Variants in SAMSN1 observed in about 807,000 individuals in gnomAD.
SAMSN1 encodes the protein SAM domain-containing protein SAMSN-1.
A neutral mutation model predicts 42.0 loss-of-function variants in SAMSN1; 31 were observed. The observed-to-expected ratio is 0.74, with a 90% CI of 0.55 to 1.00. The LOEUF (loss-of-function observed/expected upper bound fraction) is 1.00, where lower values mean the gene tolerates loss of function less well. Among genes scored for constraint, SAMSN1 ranks in the 50% least tolerant of loss-of-function variants. The pLI is 0.00. For missense variants in SAMSN1, 464 were observed against 439.4 expected (o/e 1.06, Z -0.50); for synonymous variants, 178 against 151.9 (o/e 1.17, Z -1.26).
chr21:14,641,491 TC>T (rs1241395645), intron 2 of SAMSN1, among the ~76,000 whole-genome samples: 1 of 152,188 alleles, frequency 6.6e-6, no homozygotes, highest in Admixed American at 6.6e-5. Context: ...TGAGTTTGTA[TC>T]CTGGTGCATC....
intron 7 of SAMSN1, chr21:14,496,270 T>C (rs1986911659): frequency 6.6e-6 from 1 of 152,186 alleles, no homozygotes; most frequent in South Asian, 2.1e-4. Context: ...AATTTGCACA[T>C]GTGGAGGAGT....
chr21:14,566,390 G>A (rs1981117550), intron 2 of SAMSN1, among the ~76,000 whole-genome samples: 1 of 152,012 alleles, frequency 6.6e-6, no homozygotes, highest in Admixed American at 6.6e-5. Flanking sequence ...AATCTATTCT[G>A]ACATTTAAAG....
intron 2 of SAMSN1, among the ~76,000 whole-genome samples, chr21:14,617,532 C>T (rs1049922860): frequency 2.0e-5 from 3 of 152,134 alleles, no homozygotes; most frequent in Non-Finnish European, 4.4e-5. Context: ...AAGCAAGCTC[C>T]ATGTTCCACA....
At chr21:14,533,416 A>T (rs1211295171) in intron 1 of SAMSN1, among the ~76,000 whole-genome samples, 2 of 152,226 alleles carry the variant, frequency 1.3e-5, no homozygotes, top group African/African-American at 4.8e-5. Flanking sequence ...ACTATAAAAA[A>T]TATAATAAAG....
chr21:14,561,678 G>A (rs1052189073), intron 2 of SAMSN1, among the ~76,000 whole-genome samples: 4 of 152,178 alleles, frequency 2.6e-5, no homozygotes, highest in Non-Finnish European at 4.4e-5. Flanking sequence ...TTGGAAATAC[G>A]ATTGTTGCCA....
At chr21:14,537,450 T>C (rs945152861) in intron 1 of SAMSN1, among the ~76,000 whole-genome samples, 2 of 152,226 alleles carry the variant, frequency 1.3e-5, no homozygotes, top group Admixed American at 1.3e-4. Context: ...TTATTGTCTG[T>C]CATCTCCAGC....
At chr21:14,585,475 G>A (rs1216400058), upstream of SAMSN1, 2 of 152,134 alleles carry the variant, frequency 1.3e-5, no homozygotes, top group Admixed American at 1.3e-4. Context: ...CAGGGAAATG[G>A]AACTTTGTAT....
chr21:14,531,941 C>G (rs1979291072), intron 1 of SAMSN1, among the ~76,000 whole-genome samples: 1 of 152,194 alleles, frequency 6.6e-6, no homozygotes, highest in African/African-American at 2.4e-5. Flanking sequence ...ATTCTGTGAT[C>G]TCCTTGAACA....
chr21:14,491,768 T>C (rs1600855361), intron 7 of SAMSN1, among the ~76,000 whole-genome samples: 1 of 152,324 alleles, frequency 6.6e-6, no homozygotes, highest in African/African-American at 2.4e-5. Flanking sequence ...TGGTCTGTCC[T>C]ATGTCAATTT....
chr21:14,532,117 G>C (rs901526748), intron 1 of SAMSN1, among the ~76,000 whole-genome samples: 4 of 152,160 alleles, frequency 2.6e-5, no homozygotes, highest in African/African-American at 9.7e-5. Context: ...CCCTCCAGCA[G>C]AGCTCGACCA....
intron 2 of SAMSN1, among the ~76,000 whole-genome samples, chr21:14,629,017 C>T (rs916231287): frequency 7.2e-5 from 11 of 152,062 alleles, no homozygotes; most frequent in South Asian, 2.1e-4. Flanking sequence ...GGGTTTTGTG[C>T]GTGGTGTCTT....
At chr21:14,575,876 C>G (rs1344516712) in intron 2 of SAMSN1, among the ~76,000 whole-genome samples, 5 of 152,158 alleles carry the variant, frequency 3.3e-5, no homozygotes, top group Admixed American at 3.3e-4. Context: ...AGCCTTAATT[C>G]TTTCTTTGCA....
intron 6 of SAMSN1, among the ~76,000 whole-genome samples, chr21:14,596,919 T>A (rs1245849528): frequency 6.6e-6 from 1 of 152,186 alleles, no homozygotes; most frequent in Non-Finnish European, 1.5e-5. Context: ...TTTTTTTGTT[T>A]GTTTTAAGCC....
At position 14,498,128 on chromosome 21, in the gene SAMSN1, A is replaced by G. The variant is rs138628627; in HGVS notation, c.919+314T>C. On this transcript the variant is annotated intron_variant, in intron 7 of 7. Transcript: ENST00000400566. ...CTAATGGCTTATGCTGTTACTAAAT[A>G]CTTGTCTCTAACTCCCTCAGTCTTT... Among the ~76,000 whole-genome samples the G allele has an allele frequency of 1.8e-3, 278 of 152,298 alleles. 1 individual carries two copies. Among genetic ancestry groups the G allele is most frequent in the Middle Eastern group, 6.8e-3 (2 of 294 alleles).
intron 1 of SAMSN1, among the ~76,000 whole-genome samples, chr21:14,529,568 CAG>C (rs1300767059): frequency 6.6e-6 from 1 of 152,128 alleles, no homozygotes; most frequent in Non-Finnish European, 1.5e-5. Flanking sequence ...ACTTAGTACT[CAG>C]AGTAAGGGCT....
intron 2 of SAMSN1, among the ~76,000 whole-genome samples, chr21:14,617,203 GC>G (rs1982861153): frequency 6.6e-6 from 1 of 152,176 alleles, no homozygotes; most frequent in Non-Finnish European, 1.5e-5. Flanking sequence ...CATGAATTAA[GC>G]CCTAATGTGA....
In SAMSN1 at chr21:14,555,901, C is replaced by T. The variant is rs552914209; in HGVS notation, c.261+26235G>A. ...GCTTTGTTATAAATTTTGTTATTAACTTTTATCTGAACATAGTACACCTCG... is the reference window on the plus strand; with the variant it reads ...GCTTTGTTATAAATTTTGTTATTAATTTTTATCTGAACATAGTACACCTCG... On this transcript the variant is annotated intron_variant, in intron 2 of 8. Coordinates refer to the SAMSN1 transcript ENST00000285670. 3.9e-5 allele frequency among the ~76,000 whole-genome samples: 6 copies of T among 152,250 alleles called. No individual in the cohort carries two copies. The East Asian group carries it at 1.2e-3, about 29-fold the overall frequency.
intron 3 of SAMSN1, among the ~76,000 whole-genome samples, chr21:14,613,424 T>C (rs138492199): frequency 2.4e-4 from 36 of 152,236 alleles, no homozygotes; most frequent in African/African-American, 7.7e-4. Flanking sequence ...GTCAAAAAAA[T>C]ATGATCATGC....
intron 2 of SAMSN1, among the ~76,000 whole-genome samples, chr21:14,520,607 G>C (rs1282226033): frequency 5.3e-5 from 8 of 152,124 alleles, no homozygotes; most frequent in Admixed American, 5.2e-4. Flanking sequence ...AACAGCCAAC[G>C]GTCCCTTGCG....
Sources: gnomAD v4.1 joint callset for allele counts (sites outside exome capture counted in the v4.1 genomes callset) on GRCh38, gnomAD v4.1.1 for gene constraint, MANE v1.5 for transcripts, NCBI Gene and HGNC (gene_info 2026-07-23, HGNC 2026-07-21) for gene names.